NUP54: variants seen among roughly 807,000 people sequenced by gnomAD.
The protein encoded by NUP54 is nucleoporin p54.
Under a neutral mutation model 66.4 loss-of-function variants are expected in NUP54, and 27 were observed. The observed-to-expected ratio is 0.41, with a 90% CI of 0.30 to 0.56. The LOEUF (loss-of-function observed/expected upper bound fraction) is 0.56. Among genes scored for constraint, NUP54 ranks in the 20% least tolerant of loss-of-function variants. The probability of loss-of-function intolerance (pLI) is 0.34; values close to 1 mark genes in which losing one functional copy is unlikely to be tolerated. For missense variants in NUP54, 486 were observed against 596.3 expected, an observed-to-expected ratio of 0.82 and a Z score of 1.93; for synonymous variants, 206 against 210.7, an observed-to-expected ratio of 0.98 and a Z score of 0.19.
intron 3 of NUP54, among the ~76,000 whole-genome samples, chr4:76,137,157 A>C (rs1343792626): frequency 6.6e-6 from 1 of 151,958 alleles, no homozygotes; most frequent in African/African-American, 2.4e-5. Context: ...GCACCTGGTT[A>C]ATTTTTTAAA....
At chr4:76,143,066 T>C (rs1007124364) in intron 3 of NUP54, among the ~76,000 whole-genome samples, 1 of 151,998 alleles carries the variant, frequency 6.6e-6, no homozygotes, top group Non-Finnish European at 1.5e-5. Context: ...AATGGCTCAA[T>C]GGCTGATCAC....
intron 3 of NUP54, among the ~76,000 whole-genome samples, chr4:76,139,249 G>A (rs1413730271): frequency 6.6e-6 from 1 of 152,144 alleles, no homozygotes; most frequent in African/African-American, 2.4e-5. Flanking sequence ...AAAGTAGTAA[G>A]ATAAAGATAC....
At chr4:76,147,030 AC>A (rs1256288620) in intron 1 of NUP54, among the ~76,000 whole-genome samples, 2 of 152,228 alleles carry the variant, frequency 1.3e-5, no homozygotes, top group East Asian at 3.8e-4. Context: ...AAGTTAAAAA[AC>A]AAAACAGGTT....
At position 76,124,762 on chromosome 4, in the gene NUP54, TAA is replaced by T; in HGVS notation, c.1057-8_1057-7del. 1.6e-6 allele frequency: 1 copy of T among 637,214 alleles called. No individual in the cohort carries two copies. 39.5% of individuals were successfully genotyped at this position (637,214 alleles called of 1,614,324 possible). A position where few individuals can be genotyped will look rare whatever the true frequency, so the allele number is the denominator to read the frequency against. ...CTAATATCTTCAGATATGATCTGTT[TAA>T]AAAAAAATTGGGGGGGGGAGGGTTA... is the stretch of plus-strand genomic sequence containing the variant. On this transcript the variant is annotated splice_polypyrimidine_tract_variant and splice_region_variant and intron_variant, in intron 8 of 11. Transcript: ENST00000264883.
At position 76,124,663 on chromosome 4, in the gene NUP54, G is replaced by A. The variant is rs756426091; in HGVS notation, c.1150C>T (p.His384Tyr). 9 of 1,576,976 alleles carry A rather than the reference G, an allele frequency of 5.7e-6. No homozygotes were observed. The South Asian group carries it at 8.9e-5, about 16-fold the overall frequency. ...QYKRKLMDLSHRTLQVLIKQE... is the reference protein window; with the variant it reads ...QYKRKLMDLSYRTLQVLIKQE... ...CAAATTACTACCTGTAAAGTTCTAT[G>A]GGAAAGATCCATGAGTTTCCTCTTG... The change falls in exon 9 of 12, where the codon CAT becomes TAT. Residue 384 changes from histidine to tyrosine, a missense_variant. His to Tyr is a moderately conservative substitution (Grantham distance 83, BLOSUM62 2). This residue lies in a region of NUP54 where 217 missense variants were observed against 247.9 expected (regional missense o/e 0.88). Coordinates refer to ENST00000264883, the MANE Select transcript of NUP54 (RefSeq NM_017426.4).
rs1730790588 is a variant in NUP54, at chr4:76,131,262, T to C, written c.930A>G (p.Glu310=). Residue 310 remains glutamate, a synonymous_variant, in exon 7 of 12, where the codon GAA becomes GAG. Transcript: ENST00000264883. ...AATCAGGGTTATCTACCTTGGCCTG[T>C]TCCCAGATAATAGGATCAACACCTA... ...PPAGVDPIIW[E]QAKVDNPDSE... is the part of the protein sequence containing the mutation. 6.3e-7 allele frequency: 1 copy of C among 1,594,428 alleles called. No homozygotes were observed. Among genetic ancestry groups the C allele is most frequent in the Non-Finnish European group, 8.6e-7 (1 of 1,167,816 alleles).
At chr4:76,124,581 CTATA>C (rs1408355861) in intron 9 of NUP54, 64 bp downstream of exon 9, 2 of 535,560 alleles carry the variant, frequency 3.7e-6, no homozygotes, top group Non-Finnish European at 6.6e-6. Flanking sequence ...TTTTAAAAAT[CTATA>C]TTTAGTACAT....
chr4:76,118,918 T>C (rs1352167805), intron 9 of NUP54, among the ~76,000 whole-genome samples: 1 of 151,704 alleles, frequency 6.6e-6, no homozygotes, highest in Non-Finnish European at 1.5e-5. Flanking sequence ...GGCAGGAGAA[T>C]GGCGGAAAAC....
chr4:76,122,347 T>C (rs549224399), intron 9 of NUP54, among the ~76,000 whole-genome samples: 1 of 152,176 alleles, frequency 6.6e-6, no homozygotes, highest in South Asian at 2.1e-4. Flanking sequence ...GGCAAATACA[T>C]ACAGTCGTGT....
chr4:76,143,355 C>T (rs1306584188), intron 3 of NUP54, among the ~76,000 whole-genome samples: 1 of 152,166 alleles, frequency 6.6e-6, no homozygotes, highest in African/African-American at 2.4e-5. Flanking sequence ...CCTGTAATCC[C>T]AGCACTTTGG....
chr4:76,132,847 A>G, intron 5 of NUP54, 128 bp from the exon 6 acceptor site: 1 of 700,314 alleles, frequency 1.4e-6, no homozygotes, highest in South Asian at 2.2e-5. Context: ...TTAGGAGGCA[A>G]TTAAAATGTT....
chr4:76,136,713 T>G (rs184706365), intron 3 of NUP54, among the ~76,000 whole-genome samples: 2 of 152,038 alleles, frequency 1.3e-5, no homozygotes, highest in Non-Finnish European at 2.9e-5. Flanking sequence ...TGTTGGCATA[T>G]GGCAAGATGG....
chr4:76,119,258 GCTAA>G (rs1730117584), intron 9 of NUP54, among the ~76,000 whole-genome samples: 1 of 151,980 alleles, frequency 6.6e-6, no homozygotes, highest in East Asian at 1.9e-4. Context: ...GACAAATAGT[GCTAA>G]CTGATGTTTA....
In NUP54 at chr4:76,136,440, A is replaced by AAAAAC. The variant is rs201855074; in HGVS notation, c.296-33_296-29dup. ...AAAAATGTACCCAAAATTAGTATTT[A>AAAAAC]AAAACAAAACAAAACAAAACTTAAT... On this transcript the variant is annotated intron_variant, in intron 3 of 11. Coordinates refer to ENST00000264883, the MANE Select transcript of NUP54 (RefSeq NM_017426.4). 50 of 1,576,092 alleles carry AAAAAC rather than the reference A, an allele frequency of 3.2e-5. No individual in the cohort carries two copies. In the East Asian group the frequency reaches 9.0e-4, roughly 28 times the overall value.
At chr4:76,115,948 G>A (rs1021949245) in intron 11 of NUP54, among the ~76,000 whole-genome samples, 1 of 152,130 alleles carries the variant, frequency 6.6e-6, no homozygotes, top group African/African-American at 2.4e-5. Flanking sequence ...CATGGGTTAA[G>A]GTGCTGTTTT....
intron 3 of NUP54, among the ~76,000 whole-genome samples, chr4:76,140,410 C>T (rs1371709436): frequency 2.6e-5 from 4 of 151,544 alleles, no homozygotes; most frequent in Middle Eastern, 3.2e-3. Context: ...CTCAGCCTCC[C>T]GAGTAACTGG....
At chr4:76,125,865 G>GTAGAGAGA (rs1730514701) in intron 8 of NUP54, among the ~76,000 whole-genome samples, 1 of 90,046 alleles carries the variant, frequency 1.1e-5, no homozygotes, top group Non-Finnish European at 2.1e-5. Flanking sequence ...GGAGGGGGAG[G>GTAGAGAGA]GAGAGAGAGA....
chr4:76,133,918 C>T (rs1468898884), intron 5 of NUP54, among the ~76,000 whole-genome samples: 1 of 151,994 alleles, frequency 6.6e-6, no homozygotes, highest in Non-Finnish European at 1.5e-5. Flanking sequence ...TCAATTTGCA[C>T]GCATCTATGA....
At chr4:76,139,444 C>A (rs1374217024) in intron 3 of NUP54, among the ~76,000 whole-genome samples, 1 of 146,706 alleles carries the variant, frequency 6.8e-6, no homozygotes, top group Non-Finnish European at 1.5e-5. Context: ...AATAATATTA[C>A]AAGGAAGCAG....
Sources: gnomAD v4.1 joint callset for allele counts (sites outside exome capture counted in the v4.1 genomes callset) on GRCh38, gnomAD v4.1.1 for gene constraint, gnomAD v4.1.1 regional missense constraint, MANE v1.5 for transcripts, NCBI Gene and HGNC (gene_info 2026-07-23, HGNC 2026-07-21) for gene names.